The following PYY variants were observed in gnomAD, a reference collection of about 807,000 sequenced individuals.
PYY encodes peptide tyrosine tyrosine.
In PYY, 12 loss-of-function variants were observed where a neutral mutation model predicts 10.3. The ratio of observed to expected loss-of-function variants is 1.17; its 90% CI spans 0.75 to 1.89. The LOEUF (loss-of-function observed/expected upper bound fraction) is 1.89, where lower values mean the gene tolerates loss of function less well. PYY is among the 40% of genes most tolerant of loss of function. The pLI, the probability that PYY is intolerant of heterozygous loss-of-function variation, is 0.00. For synonymous variants in PYY, 66 were observed against 62.0 expected (o/e 1.06, Z -0.30); for missense variants, 141 against 134.0 (o/e 1.05, Z -0.26).
intron 1 of PYY, among the ~76,000 whole-genome samples, chr17:43,990,055 T>A (rs909363722): frequency 6.6e-6 from 1 of 151,170 alleles, no homozygotes; most frequent in Non-Finnish European, 1.5e-5. Flanking sequence ...AATAAATTAA[T>A]CAAGCTCACA....
upstream of PYY, among the ~76,000 whole-genome samples, chr17:43,954,175 T>C (rs1006199994): frequency 1.3e-5 from 2 of 152,078 alleles, no homozygotes; most frequent in African/African-American, 4.8e-5. Flanking sequence ...CTGAACCCCA[T>C]GTTCACCCCA....
intron 2 of PYY, among the ~76,000 whole-genome samples, chr17:43,959,106 T>C (rs1037374224): frequency 2.6e-5 from 4 of 152,180 alleles, no homozygotes; most frequent in African/African-American, 4.8e-5. Flanking sequence ...TGGGTGTGAT[T>C]TATGCAAGAA....
rs373099946 is a variant in PYY, at chr17:43,953,384, C to T, written c.100G>A (p.Glu34Lys). 20 of 1,612,566 alleles carry T rather than the reference C, an allele frequency of 1.2e-5. No homozygotes were observed. The highest frequency in any genetic ancestry group is 1.6e-4 in the Middle Eastern group (1 of 6,080). Residue 34 changes from glutamate (E) to lysine (K), a missense_variant, in exon 2 of 4, where the codon GAG (glutamate) becomes AAG (lysine). Coordinates refer to ENST00000692052, the MANE Select transcript of PYY (RefSeq NM_001394028.1). ...ALVDAYPIKP[E>K]APREDASPEE... is the part of the protein sequence containing the mutation. Reference sequence around the variant, plus strand: ...GGCGAGGCGTCTTCGCGGGGAGCCTCGGGTTTGATGGGGTAGGCGTCGACC... The same window carrying T: ...GGCGAGGCGTCTTCGCGGGGAGCCTTGGGTTTGATGGGGTAGGCGTCGACC...
chr17:43,955,940 C>T (rs1438549152), upstream of PYY, among the ~76,000 whole-genome samples: 1 of 151,894 alleles, frequency 6.6e-6, no homozygotes, highest in Non-Finnish European at 1.5e-5. Context: ...GAGTAGGGGG[C>T]TATTTGCTCT....
intron 1 of PYY, among the ~76,000 whole-genome samples, 176 bp downstream of exon 1, chr17:43,953,674 G>A (rs2048651764): frequency 6.6e-6 from 1 of 152,202 alleles, no homozygotes; most frequent in Admixed American, 6.5e-5. Flanking sequence ...CATGTCAGAG[G>A]AGCATAAGCC....
upstream of PYY, chr17:43,958,135 C>CAAAAAAAAAAAAGAAAAAA (rs2048687161): frequency 2.1e-5 from 1 of 47,276 alleles, no homozygotes; most frequent in Non-Finnish European, 3.7e-5. Flanking sequence ...CTGAATACAC[C>CAAAAAAAAAAAAGAAAAAA]AAAAAAAAAA....
At chr17:43,999,142 T>G (rs1277182008) in intron 1 of PYY, among the ~76,000 whole-genome samples, 2 of 151,026 alleles carry the variant, frequency 1.3e-5, no homozygotes, top group African/African-American at 4.9e-5. Context: ...TGAGGCCAGG[T>G]GAAGGGGGTA....
chr17:43,956,601 A>G (rs911056131), upstream of PYY, among the ~76,000 whole-genome samples: 2 of 152,056 alleles, frequency 1.3e-5, no homozygotes, highest in Admixed American at 6.5e-5. Flanking sequence ...CAGAATCAGA[A>G]TGGTCCCCAT....
At chr17:43,999,629 G>A (rs763744403) in intron 1 of PYY, among the ~76,000 whole-genome samples, 13 of 152,000 alleles carry the variant, frequency 8.6e-5, no homozygotes, top group Admixed American at 1.3e-4. Flanking sequence ...TCAGCCAGGC[G>A]TGGTGGCGCG....
intron 1 of PYY, among the ~76,000 whole-genome samples, chr17:44,004,213 G>A (rs1174740445): frequency 6.6e-6 from 1 of 151,488 alleles, no homozygotes; most frequent in African/African-American, 2.4e-5. Context: ...GGACAGACAA[G>A]GCCAGCACCA....
intron 1 of PYY, among the ~76,000 whole-genome samples, chr17:43,998,245 A>AT (rs34211722): frequency 1.2e-4 from 17 of 147,352 alleles, no homozygotes; most frequent in Admixed American, 2.7e-4. Context: ...GAACCCACAG[A>AT]TTTTTTTTTT....
chr17:43,963,559 A>G (rs1247068223), intron 2 of PYY, among the ~76,000 whole-genome samples: 1 of 141,152 alleles, frequency 7.1e-6, no homozygotes, highest in African/African-American at 2.6e-5. Context: ...GAAGGAAGGA[A>G]GGAAGGAAGG....
intron 1 of PYY, among the ~76,000 whole-genome samples, chr17:43,974,538 A>G (rs924049219): frequency 6.6e-6 from 1 of 152,204 alleles, no homozygotes; most frequent in African/African-American, 2.4e-5. Context: ...TGTGAAAAAT[A>G]GGTCATAAAA....
chr17:43,981,847 T>C (rs2048885729), intron 1 of PYY, among the ~76,000 whole-genome samples: 1 of 152,028 alleles, frequency 6.6e-6, no homozygotes, highest in Admixed American at 6.6e-5. Context: ...ACCAAGCCTT[T>C]TGCCCATTTT....
In PYY at chr17:43,953,491, G is replaced by A; in HGVS notation, c.1-8C>T. ...CCTGCGCACGAACACCATCTGGGAA[G>A]GCGACATTGGGACGTGGGTCATTCC... On this transcript the variant is annotated splice_region_variant and splice_polypyrimidine_tract_variant and intron_variant, in intron 1 of 3. Transcript: ENST00000692052. 6.3e-7 allele frequency: 1 copy of A among 1,581,774 alleles called. No homozygotes were observed.
upstream of PYY, among the ~76,000 whole-genome samples, chr17:43,956,042 AT>A (rs2048669951): frequency 6.6e-6 from 1 of 152,126 alleles, no homozygotes; most frequent in Middle Eastern, 3.2e-3. Context: ...TGAGATGGCC[AT>A]GGGGAATCTG....
At chr17:43,997,027 G>A (rs2048996614) in intron 1 of PYY, among the ~76,000 whole-genome samples, 1 of 150,440 alleles carries the variant, frequency 6.6e-6, no homozygotes, top group South Asian at 2.1e-4. Flanking sequence ...TGATGTTGTT[G>A]TTGTTGTTTG....
At chr17:43,974,304 T>C (rs1427667839) in intron 1 of PYY, among the ~76,000 whole-genome samples, 1 of 151,802 alleles carries the variant, frequency 6.6e-6, no homozygotes, top group Non-Finnish European at 1.5e-5. Flanking sequence ...CAGACCGTCC[T>C]GCACAAACTG....
intron 1 of PYY, among the ~76,000 whole-genome samples, chr17:43,985,054 T>G (rs2048907484): frequency 6.6e-6 from 1 of 152,146 alleles, no homozygotes; most frequent in Non-Finnish European, 1.5e-5. Context: ...TAGTTCTCTG[T>G]ATAATAAAAA....
Sources: gnomAD v4.1 joint callset for allele counts (sites outside exome capture counted in the v4.1 genomes callset) on GRCh38, gnomAD v4.1.1 for gene constraint, MANE v1.5 for transcripts, NCBI Gene and HGNC (gene_info 2026-07-23, HGNC 2026-07-21) for gene names.